KIF17: variants seen among roughly 807,000 people sequenced by gnomAD.
The protein encoded by KIF17 is kinesin family member 17.
In KIF17, 80 loss-of-function variants were observed where a neutral mutation model predicts 96.8. The observed-to-expected ratio is 0.83, with a 90% CI of 0.69 to 1.00. The LOEUF (loss-of-function observed/expected upper bound fraction) is 1.00, where lower values mean the gene tolerates loss of function less well. Ranked by LOEUF, KIF17 falls within the 50% of genes least tolerant of loss-of-function variation. The pLI, the probability that KIF17 is intolerant of heterozygous loss-of-function variation, is 0.00. For synonymous variants in KIF17, 567 were observed against 587.5 expected (o/e 0.97, Z 0.51); for missense variants, 1,280 against 1,372.9 (o/e 0.93, Z 1.07).
chr1:20,671,340 G>T (rs1352972331), intron 12 of KIF17, among the ~76,000 whole-genome samples: 1 of 152,052 alleles, frequency 6.6e-6, no homozygotes, highest in East Asian at 1.9e-4. Context: ...TTTTTTCGGG[G>T]TTTGTTTTGA....
At chr1:20,689,336 T>C (rs917054613) in intron 7 of KIF17, among the ~76,000 whole-genome samples, 1 of 152,100 alleles carries the variant, frequency 6.6e-6, no homozygotes, top group Admixed American at 6.6e-5. Flanking sequence ...TGGCAGAATA[T>C]CCTAGGGTGG....
At position 20,717,330 on chromosome 1, in the gene KIF17, C is replaced by CAA. The variant is rs1402017988; in HGVS notation, c.231+144_231+145dup. 1.6e-5 allele frequency: 14 copies of CAA among 853,838 alleles called. No homozygotes were observed. In the African/African-American group the frequency reaches 1.9e-4, roughly 11 times the overall value. The allele number at this position is 853,838 out of a possible 1,614,324, so 52.9% of individuals were successfully genotyped here. On this transcript the variant is annotated intron_variant, in intron 1 of 14. Transcript: ENST00000400463. ...AGGCTCTGGTTGTGTCCCGCCTGGACAAAAGCCTCCGGACCTACCTGTTCC... is the reference window on the plus strand; with the variant it reads ...AGGCTCTGGTTGTGTCCCGCCTGGACAAAAAAGCCTCCGGACCTACCTGTTCC...
intron 4 of KIF17, among the ~76,000 whole-genome samples, chr1:20,708,153 C>T (rs61778504): frequency 0.064 from 9,663 of 152,118 alleles, 396 homozygotes; most frequent in South Asian, 0.093. Flanking sequence ...TGGTCTCTGC[C>T]CCTCCCTGAG....
chr1:20,673,945 T>C (rs2053692809), intron 11 of KIF17, among the ~76,000 whole-genome samples: 1 of 151,902 alleles, frequency 6.6e-6, no homozygotes, highest in Non-Finnish European at 1.5e-5. Context: ...GTTATTTTTT[T>C]AGAGACAGGG....
At position 20,699,076 on chromosome 1, in the gene KIF17, AG is replaced by A. The variant is rs2054190353; in HGVS notation, c.1124-589del. On this transcript the variant is annotated intron_variant, in intron 5 of 14. Coordinates refer to ENST00000400463, the MANE Select transcript of KIF17 (RefSeq NM_001122819.3). The surrounding 1 kb of genome is among the most constrained non-coding windows in gnomAD (Gnocchi z 4.3). ...ATGATCCTCCCACCTGAGCCTCCTG[AG>A]TAGCTGGGACTACAGACACACACCA... is the stretch of plus-strand genomic sequence containing the variant. 6.6e-6 allele frequency among the ~76,000 whole-genome samples: 1 copy of A among 152,112 alleles called. No individual in the cohort carries two copies.
Position 20,672,050 on chromosome 1 carries a change from C to T in KIF17, c.2610G>A (p.Arg870=), listed in dbSNP as rs1438982073. 1.2e-6 allele frequency: 2 copies of T among 1,614,004 alleles called. No individual in the cohort carries two copies. Among genetic ancestry groups the T allele is most frequent in the South Asian group, 1.1e-5 (1 of 91,082 alleles). ...TCTCCAGGTTGCTGTAGTTACAGTC[C>T]CTGCGAATCAGGGGCTGCACCTGCT... ...LLEQVQPLIR[R]DCNYSNLEKI... Residue 870 remains arginine (R), a synonymous_variant, in exon 12 of 15, where the codon AGG becomes AGA. Transcript: ENST00000400463. This position sits in a 1 kb window ranked among gnomAD's most constrained non-coding sequence, Gnocchi z 4.3.
At chr1:20,695,604 C>A (rs767413257) in intron 6 of KIF17, among the ~76,000 whole-genome samples, 4 of 152,142 alleles carry the variant, frequency 2.6e-5, no homozygotes, top group East Asian at 1.9e-4. Flanking sequence ...CCTCTCCCCC[C>A]ACATCCCCTG....
rs149846387 is a variant in KIF17, at chr1:20,695,346, C to T, written c.1233+3033G>A. On this transcript the variant is annotated intron_variant, in intron 6 of 14. Transcript: ENST00000400463. Reference sequence around the variant, plus strand: ...GGGATCACAGGCACGTGCCATCACTCCCGACTAATTTTTGTATTTGTAGTA... The same window carrying T: ...GGGATCACAGGCACGTGCCATCACTTCCGACTAATTTTTGTATTTGTAGTA... 4.3e-3 allele frequency among the ~76,000 whole-genome samples: 648 copies of T among 152,306 alleles called. 3 individuals are homozygous for T. Among genetic ancestry groups the T allele is most frequent in the Non-Finnish European group, 6.4e-3 (437 of 68,030 alleles).
downstream of KIF17, among the ~76,000 whole-genome samples, chr1:20,663,117 ATGAGTC>A (rs2053466220): frequency 6.6e-6 from 1 of 152,074 alleles, no homozygotes. Context: ...CCAGCTACTC[ATGAGTC>A]TGAGACAGGA....
chr1:20,662,557 C>G (rs187109093), downstream of KIF17, among the ~76,000 whole-genome samples: 4 of 152,316 alleles, frequency 2.6e-5, no homozygotes, highest in East Asian at 7.7e-4. Context: ...GGCTCCTGCA[C>G]CCTAACTCCT....
At position 20,717,772 on chromosome 1, in the gene KIF17, C is replaced by G. The variant is rs1245029467; in HGVS notation, c.-66G>C. Reference sequence around the variant, plus strand: ...GCCCCGCCGGGGACTCCCAGCAGCCCGGGCCAAGGGGCGGGGCCAGCGCCG... The same window carrying G: ...GCCCCGCCGGGGACTCCCAGCAGCCGGGGCCAAGGGGCGGGGCCAGCGCCG... On this transcript the variant is annotated 5_prime_UTR_variant, in exon 1 of 15. Transcript: ENST00000400463. The G allele has an allele frequency of 4.8e-6, 7 of 1,465,254 alleles. No individual in the cohort carries two copies. Among genetic ancestry groups the G allele is most frequent in the Admixed American group, 2.4e-5 (1 of 41,158 alleles). The allele number at this position is 1,465,254 out of a possible 1,614,324, so 90.8% of individuals were successfully genotyped here.
At position 20,717,819 on chromosome 1, in the gene KIF17, A is replaced by T; in HGVS notation, c.-113T>A. 8.6e-7 allele frequency: 1 copy of T among 1,166,894 alleles called. No individual in the cohort carries two copies. Among genetic ancestry groups the T allele is most frequent in the Non-Finnish European group, 1.1e-6 (1 of 921,800 alleles). The allele number at this position is 1,166,894 out of a possible 1,614,324, so 72.3% of individuals were successfully genotyped here. A position where few individuals can be genotyped will look rare whatever the true frequency, so the allele number is the denominator to read the frequency against. On this transcript the variant is annotated 5_prime_UTR_variant, in exon 1 of 15. Coordinates refer to ENST00000400463, the MANE Select transcript of KIF17 (RefSeq NM_001122819.3). ...GCCGGCCACGGGGGGCGGGGCCTTG[A>T]GGCAGGGGCGGGGCCGCGGCGGGGG...
At position 20,669,561 on chromosome 1, in the gene KIF17, TAATA is replaced by T. The variant is rs1290472725; in HGVS notation, c.2790+856_2790+859del. 5.3e-5 allele frequency among the ~76,000 whole-genome samples: 6 copies of T among 113,960 alleles called. 1 individual carries two copies. Among genetic ancestry groups the T allele is most frequent in the African/African-American group, 1.9e-4 (6 of 30,888 alleles). The allele number at this position is 113,960 out of a possible 152,430, so 74.8% of individuals were successfully genotyped here. A position where few individuals can be genotyped will look rare whatever the true frequency, so the allele number is the denominator to read the frequency against. ...GAAATAATAATAATAATAATAATAA[TAATA>T]AATAAAATAAAATAAAATAAAATAG... On this transcript the variant is annotated intron_variant, in intron 13 of 14. Coordinates refer to ENST00000400463, the MANE Select transcript of KIF17 (RefSeq NM_001122819.3).
At position 20,686,136 on chromosome 1, in the gene KIF17, AAG is replaced by A. The variant is rs781018235; in HGVS notation, c.1939-12_1939-11del. On this transcript the variant is annotated splice_polypyrimidine_tract_variant and intron_variant, in intron 8 of 14. Coordinates refer to ENST00000400463, the MANE Select transcript of KIF17 (RefSeq NM_001122819.3). Reference sequence around the variant, plus strand: ...CTGTCGGCGCAGGGACCTGGGAGGAAAGAGGGGATGGAGGAGAAAGAAGGCTG... The same window carrying A: ...CTGTCGGCGCAGGGACCTGGGAGGAAAGGGGATGGAGGAGAAAGAAGGCTG... 3.5e-5 allele frequency: 55 copies of A among 1,562,370 alleles called. No individual in the cohort carries two copies. Among genetic ancestry groups the A allele is most frequent in the African/African-American group, 3.3e-4 (24 of 73,750 alleles).
At position 20,684,986 on chromosome 1, in the gene KIF17, A is replaced by G; in HGVS notation, c.2054T>C (p.Val685Ala). The part of the protein sequence containing the change: ...VDLASEVALE[V>A]VRTAEPGVWL... ...CACGCCAGGCTCTGCTGTCCGCACC[A>G]CCTCTAAGGCCACTTCCGAGGCCAG... The change falls in exon 10 of 15, where the codon GTG (valine) becomes GCG (alanine). Residue 685 changes from valine (V) to alanine (A), a missense_variant. Physicochemically the swap from Val to Ala is moderately conservative, Grantham distance 64. Transcript: ENST00000400463. 6.2e-7 allele frequency: 1 copy of G among 1,604,478 alleles called. No homozygotes were observed. Among genetic ancestry groups the G allele is most frequent in the Non-Finnish European group, 8.5e-7 (1 of 1,175,814 alleles).
chr1:20,715,439 C>A (rs1198924012), intron 2 of KIF17, 54 bp downstream of exon 2: 25 of 1,602,120 alleles, frequency 1.6e-5, no homozygotes, highest in Non-Finnish European at 2.1e-5. Flanking sequence ...GTCAGAAGTG[C>A]TCTGGGCCCA....
intron 14 of KIF17, among the ~76,000 whole-genome samples, chr1:20,665,819 T>C (rs1490473207): frequency 6.6e-6 from 1 of 152,256 alleles, no homozygotes; most frequent in East Asian, 1.9e-4. Context: ...TTTGTGGCCC[T>C]TGATAAGTGA....
Position 20,679,981 on chromosome 1 carries a change from A to AGATC in KIF17, c.2463+2668_2463+2671dup, listed in dbSNP as rs57571094. Among the ~76,000 whole-genome samples, 732 of 83,552 alleles carry AGATC rather than the reference A, an allele frequency of 8.8e-3. 6 individuals carry two copies. Among genetic ancestry groups the AGATC allele is most frequent in the African/African-American group, 0.022 (686 of 31,502 alleles). 54.8% of individuals were successfully genotyped at this position (83,552 alleles called of 152,430 possible). A position where few individuals can be genotyped will look rare whatever the true frequency, so the allele number is the denominator to read the frequency against. Reference sequence around the variant, plus strand: ...AACACAGCAATAGGAAACAAATCAGAGATCGATTGATTGATTGATTTGAGA... The same window carrying AGATC: ...AACACAGCAATAGGAAACAAATCAGAGATCGATCGATTGATTGATTGATTTGAGA... On this transcript the variant is annotated intron_variant, in intron 11 of 14. Transcript: ENST00000400463.
rs746020893 is a variant in KIF17, at chr1:20,709,852, G to T, written c.481-24C>A. The T allele has an allele frequency of 2.5e-6, 4 of 1,582,884 alleles. No homozygotes were observed. The highest frequency in any genetic ancestry group is 3.4e-6 in the Non-Finnish European group (4 of 1,164,388). ...AGCTGAGGGAGGAGGAACAGTCAGG[G>T]GCGGAACCTCCAGCCGCCAAGGGTT... On this transcript the variant is annotated intron_variant, in intron 3 of 14. Coordinates refer to ENST00000400463, the MANE Select transcript of KIF17 (RefSeq NM_001122819.3). The surrounding 1 kb of genome is among the most constrained non-coding windows in gnomAD (Gnocchi z 4.7).
Sources: gnomAD v4.1 joint callset for allele counts (sites outside exome capture counted in the v4.1 genomes callset) on GRCh38, gnomAD v4.1.1 for gene constraint, Gnocchi (gnomAD v3.1) non-coding constraint, MANE v1.5 for transcripts, NCBI Gene and HGNC (gene_info 2026-07-23, HGNC 2026-07-21) for gene names.